Variants in ARHGAP12 observed in about 807,000 individuals in gnomAD.
ARHGAP12 encodes Rho GTPase activating protein 12, also known as rho GTPase-activating protein 12.
Under a neutral mutation model 108.6 loss-of-function variants are expected in ARHGAP12, and 64 were observed. The ratio of observed to expected loss-of-function variants is 0.59; its 90% CI spans 0.48 to 0.73. The LOEUF is 0.73. Among genes scored for constraint, ARHGAP12 ranks in the 30% least tolerant of loss-of-function variants. The pLI is 0.00. For synonymous variants in ARHGAP12, 312 were observed against 337.2 expected, an observed-to-expected ratio of 0.93 and a Z score of 0.82; for missense variants, 940 against 1,005.9, an observed-to-expected ratio of 0.93 and a Z score of 0.89.
chr10:31,873,514 G>A (rs1837615215), intron 3 of ARHGAP12, among the ~76,000 whole-genome samples: 1 of 152,144 alleles, frequency 6.6e-6, no homozygotes. Flanking sequence ...CATGGCCAGT[G>A]GCTACTATCG....
At chr10:31,925,026 G>A (rs1166760135) in intron 1 of ARHGAP12, among the ~76,000 whole-genome samples, 3 of 152,152 alleles carry the variant, frequency 2.0e-5, no homozygotes, top group Non-Finnish European at 4.4e-5. Flanking sequence ...CTCGCTGTGT[G>A]ACTCTGGACA....
intron 3 of ARHGAP12, among the ~76,000 whole-genome samples, chr10:31,880,958 G>C (rs1400166738): frequency 6.6e-6 from 1 of 151,380 alleles, no homozygotes; most frequent in Non-Finnish European, 1.5e-5. Context: ...AGCTACTCAG[G>C]AGGCTGAGGT....
intron 3 of ARHGAP12, among the ~76,000 whole-genome samples, chr10:31,902,512 CA>C (rs1410376652): frequency 6.6e-6 from 1 of 151,866 alleles, no homozygotes; most frequent in Non-Finnish European, 1.5e-5. Context: ...TCTATCTCTA[CA>C]AAAAAATTAT....
At chr10:31,835,369 A>G (rs1835980018) in intron 9 of ARHGAP12, among the ~76,000 whole-genome samples, 1 of 152,188 alleles carries the variant, frequency 6.6e-6, no homozygotes, top group Non-Finnish European at 1.5e-5. Context: ...AAACTTATAC[A>G]TGAATATTTG....
chr10:31,818,177 T>C (rs553609177), intron 12 of ARHGAP12, among the ~76,000 whole-genome samples: 12 of 152,308 alleles, frequency 7.9e-5, no homozygotes, highest in African/African-American at 2.4e-4. Context: ...CTGCTGAAAC[T>C]AGTACGTTTA....
intron 6 of ARHGAP12, among the ~76,000 whole-genome samples, chr10:31,847,020 T>G (rs1054366779): frequency 6.6e-6 from 1 of 152,008 alleles, no homozygotes; most frequent in Non-Finnish European, 1.5e-5. Context: ...ATTCCATTAT[T>G]GAGCCATCCA....
intron 10 of ARHGAP12, among the ~76,000 whole-genome samples, chr10:31,827,683 C>T (rs550838857): frequency 3.3e-5 from 5 of 151,796 alleles, no homozygotes; most frequent in African/African-American, 9.7e-5. Flanking sequence ...CCCAGCTACT[C>T]GGGAGGCTGA....
Position 31,814,138 on chromosome 10 carries a change from A to C in ARHGAP12, c.1834+121T>G, listed in dbSNP as rs1003145027. ...GACACACTGAGACTGCACTTGGTTAACTGCACAGCCCTTTTGTAACATTGG... is the reference window on the plus strand; with the variant it reads ...GACACACTGAGACTGCACTTGGTTACCTGCACAGCCCTTTTGTAACATTGG... On this transcript the variant is annotated intron_variant, in intron 14 of 19. Transcript: ENST00000344936. 3.5e-5 allele frequency: 27 copies of C among 771,948 alleles called. No individual in the cohort carries two copies. In the South Asian group the frequency reaches 4.1e-4, roughly 12 times the overall value. The allele number at this position is 771,948 out of a possible 1,614,324, so 47.8% of individuals were successfully genotyped here.
At chr10:31,864,714 GA>G (rs1296256347) in intron 3 of ARHGAP12, among the ~76,000 whole-genome samples, 5 of 152,170 alleles carry the variant, frequency 3.3e-5, no homozygotes, top group Non-Finnish European at 5.9e-5. Context: ...TTCTAGTTTT[GA>G]AAAAATGATG....
chr10:31,874,935 C>T (rs561428724), intron 3 of ARHGAP12, among the ~76,000 whole-genome samples: 35 of 122,562 alleles, frequency 2.9e-4, no homozygotes, highest in Middle Eastern at 7.8e-3. Context: ...GATGGCGCCA[C>T]AGCACTCCAG....
At chr10:31,928,290 C>T (rs938516611) in intron 1 of ARHGAP12, among the ~76,000 whole-genome samples, 38 of 151,992 alleles carry the variant, frequency 2.5e-4, no homozygotes, top group African/African-American at 9.2e-4. Context: ...CGCGCACTCT[C>T]CCGCACTCAC....
chr10:31,822,614 G>A (rs1252160588), intron 11 of ARHGAP12, among the ~76,000 whole-genome samples: 1 of 152,240 alleles, frequency 6.6e-6, no homozygotes, highest in East Asian at 1.9e-4. Flanking sequence ...AAACAGACTT[G>A]TGTTAGCCAT....
chr10:31,808,624 T>C (rs763630795), intron 19 of ARHGAP12, 25 bp downstream of exon 19: 4 of 1,606,810 alleles, frequency 2.5e-6, no homozygotes, highest in Non-Finnish European at 3.4e-6. Context: ...CTATACCACA[T>C]CCCATGACTG....
chr10:31,884,723 C>T (rs1302084508), intron 3 of ARHGAP12, among the ~76,000 whole-genome samples: 1 of 152,160 alleles, frequency 6.6e-6, no homozygotes, highest in African/African-American at 2.4e-5. Context: ...AATGTTGAAA[C>T]ATTTCATTAC....
chr10:31,918,622 G>C (rs902768115), intron 1 of ARHGAP12, among the ~76,000 whole-genome samples: 1 of 152,118 alleles, frequency 6.6e-6, no homozygotes, highest in African/African-American at 2.4e-5. Context: ...TGAAAGAATC[G>C]CTCAAGCCTG....
chr10:31,820,486 A>C lies in ARHGAP12; in HGVS notation c.1533T>G (p.Phe511Leu), dbSNP rs756358745. The C allele has an allele frequency of 6.3e-7, 1 of 1,575,116 alleles. No individual in the cohort carries two copies. Among genetic ancestry groups the C allele is most frequent in the Admixed American group, 1.9e-5 (1 of 52,120 alleles). Reference protein sequence around the residue: ...TKTQGSSTSWFGSNQSKPEFT... With the variant: ...TKTQGSSTSWLGSNQSKPEFT... ...ACTCTGGTTTGGACTGATTACTGCC[A>C]AACTTCATTTTTGAAAAAGAAAAAA... Residue 511 changes from phenylalanine to leucine, a missense_variant and splice_region_variant, in exon 12 of 20, where the codon TTT (phenylalanine) becomes TTG (leucine). Physicochemically the swap from Phe to Leu is conservative, Grantham distance 22. Coordinates refer to ENST00000344936, the MANE Select transcript of ARHGAP12 (RefSeq NM_018287.7).
rs933450611 is a variant in ARHGAP12 at position 31,807,406 on chromosome 10, T to C, written c.*252A>G. On this transcript the variant is annotated 3_prime_UTR_variant, in exon 20 of 20. Coordinates refer to ENST00000344936, the MANE Select transcript of ARHGAP12 (RefSeq NM_018287.7). ...TTTAAGTTTTGATTTTTACTGAAAT[T>C]CAGAGTATGAAATGCAAACATTCAG... 2.9e-6 allele frequency: 1 copy of C among 339,678 alleles called. No homozygotes were observed. The highest frequency in any genetic ancestry group is 2.1e-5 in the African/African-American group (1 of 46,870). The allele number at this position is 339,678 out of a possible 1,614,324, so 21.0% of individuals were successfully genotyped here.
At chr10:31,922,105 C>G (rs1434589836) in intron 1 of ARHGAP12, among the ~76,000 whole-genome samples, 2 of 142,124 alleles carry the variant, frequency 1.4e-5, no homozygotes, top group African/African-American at 5.2e-5. Flanking sequence ...GGCTTGTGTC[C>G]AGGAGGCAAA....
intron 3 of ARHGAP12, among the ~76,000 whole-genome samples, chr10:31,874,881 A>G (rs1446095044): frequency 6.7e-6 from 1 of 149,994 alleles, no homozygotes; most frequent in Admixed American, 6.7e-5. Context: ...GGCTGAGGCA[A>G]GAGAATCTCT....
Sources: gnomAD v4.1 joint callset for allele counts (sites outside exome capture counted in the v4.1 genomes callset) on GRCh38, gnomAD v4.1.1 for gene constraint, MANE v1.5 for transcripts, NCBI Gene and HGNC (gene_info 2026-07-23, HGNC 2026-07-21) for gene names.